DNAJC12: variants seen among roughly 807,000 people sequenced by gnomAD.
DNAJC12 encodes DnaJ heat shock protein family (Hsp40) member C12, also known as dnaJ homolog subfamily C member 12.
A neutral mutation model predicts 28.5 loss-of-function variants in DNAJC12; 25 were observed. The observed-to-expected ratio is 0.88, with a 90% CI of 0.64 to 1.22. DNAJC12 has a LOEUF of 1.22. DNAJC12 is among the 50% of genes most tolerant of loss of function. The probability of loss-of-function intolerance (pLI) is 0.00; values close to 1 mark genes in which losing one functional copy is unlikely to be tolerated. For missense variants in DNAJC12, 222 were observed against 231.7 expected (o/e 0.96, Z 0.27); for synonymous variants, 77 against 80.6 (o/e 0.95, Z 0.24).
intron 4 of DNAJC12, among the ~76,000 whole-genome samples, chr10:67,800,477 A>T (rs944747532): frequency 2.0e-5 from 3 of 152,120 alleles, no homozygotes; most frequent in Non-Finnish European, 4.4e-5. Flanking sequence ...TGTCATCCAA[A>T]GGGCATTTAC....
chr10:67,823,708 A>G (rs1046891600), intron 1 of DNAJC12, among the ~76,000 whole-genome samples: 2 of 152,046 alleles, frequency 1.3e-5, no homozygotes, highest in Non-Finnish European at 1.5e-5. Flanking sequence ...CTCAAAAAAA[A>G]AAAGGTCAAA....
chr10:67,823,642 A>G lies in DNAJC12; in HGVS notation c.79-250T>C, dbSNP rs117850520. Among the ~76,000 whole-genome samples the G allele has an allele frequency of 0.092, 13,935 of 151,934 alleles. 871 individuals are homozygous for G. The highest frequency in any genetic ancestry group is 0.18 in the Middle Eastern group (52 of 294). ...CTTAAGCCCAGGAGTTCAAGGCTGT[A>G]GTAAGCTATGATGGCACCGCTGCAC... On this transcript the variant is annotated intron_variant, in intron 1 of 4. Coordinates refer to ENST00000225171, the MANE Select transcript of DNAJC12 (RefSeq NM_021800.3).
chr10:67,829,617 G>A (rs1842073286), intron 1 of DNAJC12, among the ~76,000 whole-genome samples: 1 of 151,784 alleles, frequency 6.6e-6, no homozygotes, highest in Non-Finnish European at 1.5e-5. Flanking sequence ...CTCCAGCCTG[G>A]GCGACAGAGT....
chr10:67,815,850 G>C (rs1360747229), intron 2 of DNAJC12, among the ~76,000 whole-genome samples: 1 of 152,208 alleles, frequency 6.6e-6, no homozygotes, highest in African/African-American at 2.4e-5. Flanking sequence ...AAGCTGCTTA[G>C]AATTATTCTG....
In DNAJC12 at chr10:67,805,623, G is replaced by A; in HGVS notation, c.462C>T (p.Pro154=). ...TTTGCGGGGAGACTGACTTCTCTAG[G>A]GGCTTGGGTTCTTTCTGCTCCGTTT... ...AEKTEQKEPK[P]LEKSVSPQNS... The change falls in exon 4 of 5, where the codon CCC becomes CCT. Residue 154 remains proline (P), a synonymous_variant. Coordinates refer to ENST00000225171, the MANE Select transcript of DNAJC12 (RefSeq NM_021800.3). The A allele has an allele frequency of 6.2e-7, 1 of 1,612,666 alleles. No homozygotes were observed. Among genetic ancestry groups the A allele is most frequent in the Non-Finnish European group, 8.5e-7 (1 of 1,179,512 alleles).
intron 1 of DNAJC12, among the ~76,000 whole-genome samples, chr10:67,831,312 G>A (rs572866876): frequency 2.0e-5 from 3 of 152,262 alleles, no homozygotes; most frequent in Admixed American, 6.5e-5. Context: ...TGTTAAACAT[G>A]TAGGTTAACA....
At chr10:67,824,989 CCT>C (rs896865130) in intron 1 of DNAJC12, among the ~76,000 whole-genome samples, 21 of 152,278 alleles carry the variant, frequency 1.4e-4, no homozygotes, top group African/African-American at 4.8e-4. Flanking sequence ...CCCGCCTCAG[CCT>C]CCCAAAGTGC....
intron 4 of DNAJC12, among the ~76,000 whole-genome samples, chr10:67,805,292 T>C (rs1841787757): frequency 6.6e-6 from 1 of 152,108 alleles, no homozygotes; most frequent in Non-Finnish European, 1.5e-5. Flanking sequence ...AATGAGATAA[T>C]AAATGTAAAC....
chr10:67,823,278 C>T (rs762236763), intron 2 of DNAJC12, 36 bp downstream of exon 2: 57 of 1,573,024 alleles, frequency 3.6e-5, no homozygotes, highest in Non-Finnish European at 4.9e-5. Flanking sequence ...ATATACTACT[C>T]ATTTTCTTGA....
chr10:67,801,984 C>T (rs112175169), intron 4 of DNAJC12, among the ~76,000 whole-genome samples: 4,284 of 151,458 alleles, frequency 0.028, 75 homozygotes, highest in Middle Eastern at 0.045. Context: ...GCCTCAGCCT[C>T]CCAAGTAGCT....
chr10:67,819,779 G>GGGAAGGAA (rs144881348), intron 2 of DNAJC12, among the ~76,000 whole-genome samples: 267 of 13,318 alleles, frequency 0.02, 21 homozygotes, highest in Middle Eastern at 0.11. Flanking sequence ...AGGAAGGAAG[G>GGGAAGGAA]GGAAGGAAGG....
chr10:67,802,349 C>T (rs1841755496), intron 4 of DNAJC12, among the ~76,000 whole-genome samples: 2 of 152,152 alleles, frequency 1.3e-5, no homozygotes, highest in Admixed American at 1.3e-4. Flanking sequence ...GACACAAATG[C>T]CTACCCAAGA....
chr10:67,817,401 T>G (rs559643341), intron 2 of DNAJC12, among the ~76,000 whole-genome samples: 55 of 152,296 alleles, frequency 3.6e-4, no homozygotes, highest in Non-Finnish European at 7.5e-4. Flanking sequence ...CATCAGTAAT[T>G]TCAATGGCAA....
intron 2 of DNAJC12, among the ~76,000 whole-genome samples, chr10:67,817,738 C>T (rs1015364641): frequency 6.6e-6 from 1 of 150,480 alleles, no homozygotes; most frequent in Non-Finnish European, 1.5e-5. Context: ...ATCAGCTGGG[C>T]GTGGTGGCAC....
At chr10:67,835,787 A>G (rs548247351) in intron 1 of DNAJC12, among the ~76,000 whole-genome samples, 1 of 151,880 alleles carries the variant, frequency 6.6e-6, no homozygotes, top group Non-Finnish European at 1.5e-5. Context: ...CAAACATTTC[A>G]TTAAAAATAA....
At chr10:67,801,840 T>G (rs1306176130) in intron 4 of DNAJC12, among the ~76,000 whole-genome samples, 1 of 84,502 alleles carries the variant, frequency 1.2e-5, no homozygotes, top group Non-Finnish European at 2.2e-5. Flanking sequence ...TTCATTCTTT[T>G]TTTTTTTTTT....
At chr10:67,826,487 G>A (rs1842031373) in intron 1 of DNAJC12, among the ~76,000 whole-genome samples, 1 of 141,322 alleles carries the variant, frequency 7.1e-6, no homozygotes, top group African/African-American at 2.6e-5. Flanking sequence ...TATATAAGAT[G>A]CTTATATATA....
chr10:67,830,163 T>C (rs1229204842), intron 1 of DNAJC12, among the ~76,000 whole-genome samples: 1 of 149,606 alleles, frequency 6.7e-6, no homozygotes, highest in Non-Finnish European at 1.5e-5. Context: ...CTACTAAAAA[T>C]TAAAAAATTA....
At chr10:67,807,445 C>A (rs887962704) in intron 3 of DNAJC12, among the ~76,000 whole-genome samples, 1 of 151,360 alleles carries the variant, frequency 6.6e-6, no homozygotes, top group Non-Finnish European at 1.5e-5. Flanking sequence ...GATTTTATTT[C>A]AAAATAAAAA....
Sources: gnomAD v4.1 joint callset for allele counts (sites outside exome capture counted in the v4.1 genomes callset) on GRCh38, gnomAD v4.1.1 for gene constraint, MANE v1.5 for transcripts, NCBI Gene and HGNC (gene_info 2026-07-23, HGNC 2026-07-21) for gene names.